Variants in ZNF254 observed in about 807,000 individuals in gnomAD.
The protein encoded by ZNF254 is zinc finger protein 254.
In ZNF254, 10 loss-of-function variants were observed where a neutral mutation model predicts 12.4. The ratio of observed to expected loss-of-function variants is 0.80; its 90% CI spans 0.50 to 1.36. ZNF254 has a LOEUF of 1.36. ZNF254 is among the 40% of genes most tolerant of loss of function. ZNF254 has a pLI of 0.00. For missense variants in ZNF254, 996 were observed against 763.9 expected (o/e 1.30, Z -3.58); for synonymous variants, 305 against 253.4 (o/e 1.20, Z -1.93).
intron 3 of ZNF254, among the ~76,000 whole-genome samples, chr19:24,123,059 G>A (rs763445961): frequency 4.6e-5 from 7 of 151,972 alleles, no homozygotes; most frequent in Non-Finnish European, 8.8e-5. Context: ...TGCTGTTCCT[G>A]TTTCTTCAAA....
chr19:24,123,627 TACAC>T (rs576576277), intron 3 of ZNF254, among the ~76,000 whole-genome samples: 3 of 151,478 alleles, frequency 2.0e-5, no homozygotes, highest in Non-Finnish European at 2.9e-5. Context: ...CACAAACACA[TACAC>T]ACACACACAC....
intron 1 of ZNF254, among the ~76,000 whole-genome samples, chr19:24,040,406 C>A (rs1252401251): frequency 6.6e-6 from 1 of 152,184 alleles, no homozygotes; most frequent in Non-Finnish European, 1.5e-5. Flanking sequence ...TACACAGCAA[C>A]CTGTTTTACA....
intron 3 of ZNF254, chr19:24,107,214 A>C (rs184805747): frequency 7.4e-5 from 48 of 651,348 alleles, no homozygotes; most frequent in African/African-American, 5.9e-4. Context: ...TGTCCATTTT[A>C]GGATTGGATT....
At chr19:24,117,359 TC>T (rs1363861292) in intron 3 of ZNF254, among the ~76,000 whole-genome samples, 2 of 152,142 alleles carry the variant, frequency 1.3e-5, no homozygotes, top group African/African-American at 2.4e-5. Flanking sequence ...AGTTTGAGCT[TC>T]CCGGCTGCTT....
Position 24,127,669 on chromosome 19 carries a change from C to G in ZNF254, c.1669C>G (p.Gln557Glu). ...TGAAAAATGTGGCAAAGCCTTTAAGCAGTCTTCAATCCTTACTAACCATAA... is the reference window on the plus strand; with the variant it reads ...TGAAAAATGTGGCAAAGCCTTTAAGGAGTCTTCAATCCTTACTAACCATAA... ...KCEKCGKAFK[Q>E]SSILTNHKRI... The change falls in exon 4 of 4, where the codon CAG (glutamine) becomes GAG (glutamate). Residue 557 changes from glutamine to glutamate, a missense_variant. Transcript: ENST00000357002. 7 of 1,613,136 alleles carry G rather than the reference C, an allele frequency of 4.3e-6. No homozygotes were observed. The highest frequency in any genetic ancestry group is 4.2e-6 in the Non-Finnish European group (5 of 1,179,654).
intron 3 of ZNF254, among the ~76,000 whole-genome samples, chr19:24,108,111 A>C (rs757776349): frequency 6.6e-6 from 1 of 152,142 alleles, no homozygotes; most frequent in Non-Finnish European, 1.5e-5. Flanking sequence ...TTTCCGAGGT[A>C]ACTTTGGGTT....
intron 1 of ZNF254, among the ~76,000 whole-genome samples, chr19:24,102,909 C>T (rs1599714562): frequency 6.6e-6 from 1 of 152,060 alleles, no homozygotes. Flanking sequence ...CAATGATAAA[C>T]AGAAGAGGAA....
chr19:24,110,327 A>C (rs1973590055), intron 3 of ZNF254, among the ~76,000 whole-genome samples: 1 of 152,114 alleles, frequency 6.6e-6, no homozygotes, highest in Non-Finnish European at 1.5e-5. Flanking sequence ...TTGAGAGGCC[A>C]GGACAGGAGG....
rs553456422 is a variant in ZNF254, at chr19:24,043,887, T to G, written c.-189-2297T>G. ...CTCTGGATGTTGTTTTACAGTTATC[T>G]CTGTATATTGGCTCATAAGTCCTTT... On this transcript the variant is annotated intron_variant, in intron 1 of 4. Transcript: ENST00000613065. Among the ~76,000 whole-genome samples the G allele has an allele frequency of 2.0e-3, 306 of 152,296 alleles. 1 individual carries two copies. The highest frequency in any genetic ancestry group is 7.1e-3 in the African/African-American group (297 of 41,560).
At position 24,097,782 on chromosome 19, in the gene ZNF254, AAAAATAAAATAAAAT is replaced by A. The variant is rs141594384; in HGVS notation, c.31-8126_31-8112del. On this transcript the variant is annotated intron_variant, in intron 1 of 3. Transcript: ENST00000357002. Reference sequence around the variant, plus strand: ...GGCAACAAAAGCAAAACTCTATCTCAAAAATAAAATAAAATAAAATAAAATAAAATAAAATAAAAT... The same window carrying A: ...GGCAACAAAAGCAAAACTCTATCTCAAAAATAAAATAAAATAAAATAAAAT... Among the ~76,000 whole-genome samples, 380 of 144,128 alleles carry A rather than the reference AAAAATAAAATAAAAT, an allele frequency of 2.6e-3. 1 individual carries two copies. The highest frequency in any genetic ancestry group is 0.011 in the Middle Eastern group (3 of 278). 94.6% of individuals were successfully genotyped at this position (144,128 alleles called of 152,430 possible).
intron 2 of ZNF254, among the ~76,000 whole-genome samples, chr19:24,047,192 TTCTCCCTTTTTG>T (rs1391739206): frequency 1.1e-4 from 16 of 152,016 alleles, no homozygotes; most frequent in Admixed American, 3.3e-4. Context: ...TCCTATTTTT[TTCTCCCTTTTTG>T]TCTCTCTCTT....
At chr19:24,061,504 G>T (rs777567849) in intron 2 of ZNF254, among the ~76,000 whole-genome samples, 26 of 152,324 alleles carry the variant, frequency 1.7e-4, no homozygotes, top group Admixed American at 3.9e-4. Context: ...GCCACCAGGT[G>T]ATATGTCTCT....
At chr19:24,122,343 G>A (rs1974538422) in intron 3 of ZNF254, among the ~76,000 whole-genome samples, 1 of 152,050 alleles carries the variant, frequency 6.6e-6, no homozygotes, top group South Asian at 2.1e-4. Flanking sequence ...TCATGCCTCA[G>A]CCTCCTTAGT....
In ZNF254 at chr19:24,128,227, C is replaced by G. The variant is rs1286645067; in HGVS notation, c.*247C>G. 18 of 417,214 alleles carry G rather than the reference C, an allele frequency of 4.3e-5. No homozygotes were observed. The highest frequency in any genetic ancestry group is 7.9e-5 in the Admixed American group (2 of 25,290). The allele number at this position is 417,214 out of a possible 1,614,324, so 25.8% of individuals were successfully genotyped here. A position where few individuals can be genotyped will look rare whatever the true frequency, so the allele number is the denominator to read the frequency against. On this transcript the variant is annotated 3_prime_UTR_variant, in exon 4 of 4. Transcript: ENST00000357002. ...AAAACTACCAGTGTGAACAACGTGGCCAAGCTTCGACAATGCTCACACCCT... is the reference window on the plus strand; with the variant it reads ...AAAACTACCAGTGTGAACAACGTGGGCAAGCTTCGACAATGCTCACACCCT...
chr19:24,087,465 C>T, intron 1 of ZNF254, 128 bp downstream of exon 1: 1 of 1,204,354 alleles, frequency 8.3e-7, no homozygotes, highest in Non-Finnish European at 1.2e-6. Context: ...CGACCTCAGT[C>T]CCCTTCAGAA....
At chr19:24,065,528 G>T (rs1338622411) in intron 2 of ZNF254, 1 of 152,146 alleles carries the variant, frequency 6.6e-6, no homozygotes, top group Non-Finnish European at 1.5e-5. Context: ...CTCATACCTA[G>T]AACTGGGACC....
rs376818410 is a variant in ZNF254, at chr19:24,107,352, A to G, written c.253+709A>G. Reference sequence around the variant, plus strand: ...ATAGAAATAAAACATTTTAAAATTTATTAGTGTCCTCTCTAATTTTTTTCA... The same window carrying G: ...ATAGAAATAAAACATTTTAAAATTTGTTAGTGTCCTCTCTAATTTTTTTCA... On this transcript the variant is annotated intron_variant, in intron 3 of 3. Coordinates refer to ENST00000357002, the MANE Select transcript of ZNF254 (RefSeq NM_203282.4). The G allele has an allele frequency of 3.7e-4, 159 of 427,524 alleles. 1 individual carries two copies. The highest frequency in any genetic ancestry group is 2.8e-3 in the African/African-American group (139 of 48,854). 26.5% of individuals were successfully genotyped at this position (427,524 alleles called of 1,614,324 possible).
At chr19:24,047,012 C>T (rs10413875) in intron 2 of ZNF254, among the ~76,000 whole-genome samples, 22,586 of 151,704 alleles carry the variant, frequency 0.15, 2,596 homozygotes, top group African/African-American at 0.32. Context: ...TACAGTTGTG[C>T]GCCACGATGC....
intron 3 of ZNF254, among the ~76,000 whole-genome samples, chr19:24,122,789 C>G (rs890248189): frequency 6.0e-5 from 9 of 150,994 alleles, no homozygotes; most frequent in Non-Finnish European, 7.4e-5. Flanking sequence ...TACCTATTGG[C>G]TTACAGTAAC....
Sources: gnomAD v4.1 joint callset for allele counts (sites outside exome capture counted in the v4.1 genomes callset) on GRCh38, gnomAD v4.1.1 for gene constraint, MANE v1.5 for transcripts, NCBI Gene and HGNC (gene_info 2026-07-23, HGNC 2026-07-21) for gene names.